Variants in CRHBP observed in about 807,000 individuals in gnomAD.
The protein encoded by CRHBP is corticotropin releasing hormone binding protein, also known as corticotropin-releasing hormone-binding protein.
A neutral mutation model predicts 34.9 loss-of-function variants in CRHBP; 19 were observed. That is an observed-to-expected ratio of 0.55 (90% CI 0.38 to 0.80). The LOEUF is 0.80. Ranked by LOEUF, CRHBP falls within the 30% of genes least tolerant of loss-of-function variation. The probability of loss-of-function intolerance (pLI) is 0.00; values close to 1 mark genes in which losing one functional copy is unlikely to be tolerated. For missense variants in CRHBP, 328 were observed against 409.2 expected (o/e 0.80, Z 1.71); for synonymous variants, 154 against 153.4 (o/e 1.00, Z -0.03).
At chr5:76,977,466 T>G (rs898089605) in intron 3 of CRHBP, among the ~76,000 whole-genome samples, 6 of 152,244 alleles carry the variant, frequency 3.9e-5, no homozygotes, top group Non-Finnish European at 5.9e-5. Flanking sequence ...GCTTTTTCAT[T>G]ATTATCATAG....
intron 2 of CRHBP, 101 bp from the exon 3 acceptor site, chr5:76,953,928 C>A: frequency 7.0e-7 from 1 of 1,434,776 alleles, no homozygotes. Flanking sequence ...GCGCTGGGCA[C>A]TACAGAGCCC....
rs565355352 is a variant in CRHBP, at chr5:76,964,569, G to A, written c.811+1109G>A. Among the ~76,000 whole-genome samples the A allele has an allele frequency of 2.6e-5, 4 of 152,270 alleles. No homozygotes were observed. In the East Asian group the frequency reaches 5.8e-4, roughly 22 times the overall value. ...CCAATTGTAATAGAAAATATTCAGC[G>A]TAGGCTAGGCGCGGTGTCTCACGCC... is the stretch of plus-strand genomic sequence containing the variant. On this transcript the variant is annotated intron_variant, in intron 6 of 6. Transcript: ENST00000274368.
intron 3 of CRHBP, chr5:76,976,550 G>A (rs1225003321): frequency 6.6e-6 from 1 of 152,188 alleles, no homozygotes; most frequent in Non-Finnish European, 1.5e-5. Context: ...CTAACCAGCT[G>A]TATGTCCTTG....
rs201530535 is a variant in CRHBP, at chr5:76,958,804, G to A, written c.608G>A (p.Arg203Gln). The change falls in exon 5 of 7, where the codon CGA (arginine) becomes CAA (glutamine). Residue 203 changes from arginine (R) to glutamine (Q), a missense_variant. Transcript: ENST00000274368. ...KFTLVVPHQH[R>Q]NCSFSIIYPV... ...ACCCTGGTAGTTCCACACCAGCATC[G>A]AAACTGCAGCTTCTCCATAATTTAT... is the stretch of plus-strand genomic sequence containing the variant. The A allele has an allele frequency of 1.1e-4, 171 of 1,613,906 alleles. No individual in the cohort carries two copies. The highest frequency in any genetic ancestry group is 5.0e-5 in the Admixed American group (3 of 59,998).
At chr5:76,960,519 G>T (rs141010490) in intron 5 of CRHBP, among the ~76,000 whole-genome samples, 9 of 152,252 alleles carry the variant, frequency 5.9e-5, no homozygotes, top group African/African-American at 2.2e-4. Flanking sequence ...CGTCACTGTG[G>T]CTTCCATGCA....
chr5:76,953,468 T>G, intron 1 of CRHBP, 133 bp from the exon 2 acceptor site: 1 of 1,042,570 alleles, frequency 9.6e-7, no homozygotes, highest in Non-Finnish European at 1.5e-6. Flanking sequence ...TCCCGTCTTC[T>G]CCGGACACGG....
intron 5 of CRHBP, among the ~76,000 whole-genome samples, chr5:76,960,741 T>A (rs1156570410): frequency 1.3e-5 from 2 of 151,842 alleles, no homozygotes; most frequent in East Asian, 3.9e-4. Context: ...GTACAAGGAA[T>A]GTAAGTACTT....
chr5:76,956,206 A>G (rs78886525), intron 4 of CRHBP, among the ~76,000 whole-genome samples: 5,577 of 152,232 alleles, frequency 0.037, 345 homozygotes, highest in African/African-American at 0.12. Context: ...TTGAGTGATC[A>G]GATATAAAGT....
At chr5:76,973,916 G>T (rs1029680431), downstream of CRHBP, among the ~76,000 whole-genome samples, 18 of 151,918 alleles carry the variant, frequency 1.2e-4, no homozygotes, top group African/African-American at 4.4e-4. Flanking sequence ...CGATTCTCCC[G>T]CCTCAGCCTC....
intron 6 of CRHBP, 89 bp from the exon 7 acceptor site, chr5:76,968,639 T>A: frequency 2.2e-6 from 3 of 1,372,828 alleles, no homozygotes; most frequent in Non-Finnish European, 3.0e-6. Flanking sequence ...CTCCTTGCTT[T>A]CATTATGTTT....
In CRHBP at chr5:76,953,230, G is replaced by C. The variant is rs1745598201; in HGVS notation, c.81+15G>C. 1 of 1,612,018 alleles carries C rather than the reference G, an allele frequency of 6.2e-7. No homozygotes were observed. Among genetic ancestry groups the C allele is most frequent in the Non-Finnish European group, 8.5e-7 (1 of 1,178,228 alleles). On this transcript the variant is annotated intron_variant, in intron 1 of 6. Coordinates refer to ENST00000274368, the MANE Select transcript of CRHBP (RefSeq NM_001882.4). ...GGTACCTAGAGGTGAGCCACCCCTG[G>C]ACTGACCCATCTCACCTTCCTTGCG...
downstream of CRHBP, among the ~76,000 whole-genome samples, chr5:76,972,911 G>T (rs951487215): frequency 2.0e-5 from 3 of 152,126 alleles, no homozygotes; most frequent in Admixed American, 6.6e-5. Flanking sequence ...GGGTGGATAT[G>T]ATGTCCACCC....
At chr5:76,953,429 C>T (rs1290012041) in intron 1 of CRHBP, 172 bp from the exon 2 acceptor site, 10 of 874,928 alleles carry the variant, frequency 1.1e-5, no homozygotes, top group Non-Finnish European at 1.9e-6. Flanking sequence ...CTGGGGATAC[C>T]CTGGCCTGAT....
At chr5:76,975,918 GTATATATA>G (rs540416496) in intron 2 of CRHBP, among the ~76,000 whole-genome samples, 33 of 112,554 alleles carry the variant, frequency 2.9e-4, no homozygotes, top group African/African-American at 9.6e-4. Flanking sequence ...ATATATATGT[GTATATATA>G]TGTGTGTGTG....
intron 6 of CRHBP, among the ~76,000 whole-genome samples, chr5:76,967,083 A>G (rs561844507): frequency 2.0e-5 from 3 of 152,260 alleles, no homozygotes; most frequent in South Asian, 4.1e-4. Flanking sequence ...TCTCTATTCA[A>G]ATTCAAAAAT....
intron 2 of CRHBP, 123 bp from the exon 3 acceptor site, chr5:76,953,906 C>G: frequency 7.7e-7 from 1 of 1,302,134 alleles, no homozygotes; most frequent in South Asian, 1.5e-5. Context: ...GCAGCCTAGG[C>G]TGGAAGTCGG....
chr5:76,954,015 C>G lies in CRHBP; in HGVS notation c.176-14C>G. On this transcript the variant is annotated splice_polypyrimidine_tract_variant and intron_variant, in intron 2 of 6. Coordinates refer to ENST00000274368, the MANE Select transcript of CRHBP (RefSeq NM_001882.4). ...GCAGCCCGGGACTTATTGCCCCATG[C>G]CCTCCTCCCCCAGGGTGCCTGGACA... The G allele has an allele frequency of 1.2e-6, 2 of 1,606,408 alleles. No individual in the cohort carries two copies. Among genetic ancestry groups the G allele is most frequent in the Non-Finnish European group, 1.7e-6 (2 of 1,176,562 alleles).
intron 2 of CRHBP, 145 bp from the exon 3 acceptor site, chr5:76,953,884 C>G: frequency 1.7e-6 from 2 of 1,206,378 alleles, no homozygotes; most frequent in Non-Finnish European, 2.2e-6. Flanking sequence ...GCCCGGGGCG[C>G]AGGAACCCAG....
intron 3 of CRHBP, among the ~76,000 whole-genome samples, chr5:76,978,926 G>T (rs779369340): frequency 6.6e-6 from 1 of 152,216 alleles, no homozygotes; most frequent in Non-Finnish European, 1.5e-5. Context: ...AGCATTGCAT[G>T]CTACAGAGAA....
Sources: gnomAD v4.1 joint callset for allele counts (sites outside exome capture counted in the v4.1 genomes callset) on GRCh38, gnomAD v4.1.1 for gene constraint, MANE v1.5 for transcripts, NCBI Gene and HGNC (gene_info 2026-07-23, HGNC 2026-07-21) for gene names.